Variants in LHFPL3 observed in about 807,000 individuals in gnomAD.
LHFPL3 encodes LHFPL tetraspan subfamily member 3, also known as LHFPL tetraspan subfamily member 3 protein.
LHFPL3 carries 5 observed loss-of-function variants against 19.3 expected under a neutral mutation model. That is an observed-to-expected ratio of 0.26 (90% CI 0.14 to 0.54). The LOEUF is 0.54. LHFPL3 is among the 20% of genes least tolerant of loss of function. The pLI, the probability that LHFPL3 is intolerant of heterozygous loss-of-function variation, is 0.94. For missense variants in LHFPL3, 249 were observed against 307.4 expected (o/e 0.81, Z 1.42); for synonymous variants, 133 against 126.2 (o/e 1.05, Z -0.36).
intron 1 of LHFPL3, among the ~76,000 whole-genome samples, chr7:104,590,442 C>G (rs1274872165): frequency 6.6e-6 from 1 of 152,148 alleles, no homozygotes; most frequent in Non-Finnish European, 1.5e-5. Context: ...TTTCTTAATC[C>G]TGAGTTCTAG....
chr7:104,769,664 G>A (rs1183005293), intron 2 of LHFPL3, among the ~76,000 whole-genome samples: 1 of 146,414 alleles, frequency 6.8e-6, no homozygotes, highest in Non-Finnish European at 1.5e-5. Context: ...CTGTGTCCAT[G>A]TGTTCTCATT....
At chr7:104,794,078 C>G (rs150257980) in intron 2 of LHFPL3, among the ~76,000 whole-genome samples, 5 of 152,104 alleles carry the variant, frequency 3.3e-5, no homozygotes, top group Non-Finnish European at 7.4e-5. Flanking sequence ...CACGTATGAT[C>G]GGCACACTTT....
intron 1 of LHFPL3, among the ~76,000 whole-genome samples, chr7:104,692,806 G>C (rs59738977): frequency 6.6e-6 from 1 of 152,198 alleles, no homozygotes; most frequent in East Asian, 1.9e-4. Context: ...ATTGCAGAAG[G>C]AAAATGTGGG....
chr7:104,642,191 C>CCA (rs1470890314), intron 1 of LHFPL3, among the ~76,000 whole-genome samples: 2 of 151,920 alleles, frequency 1.3e-5, no homozygotes, highest in Non-Finnish European at 2.9e-5. Context: ...GTGTGTGCCA[C>CCA]CACACCCAAC....
chr7:104,623,433 C>A (rs1055472433), intron 1 of LHFPL3, among the ~76,000 whole-genome samples: 1 of 151,466 alleles, frequency 6.6e-6, no homozygotes, highest in Non-Finnish European at 1.5e-5. Flanking sequence ...AGTTCGAGAC[C>A]AGCCTGGCCA....
rs566934425 is a variant in LHFPL3 at position 104,746,879 on chromosome 7, C to T, written c.682+9968C>T. Among the ~76,000 whole-genome samples the T allele has an allele frequency of 3.9e-5, 6 of 152,294 alleles. No homozygotes were observed. The East Asian group carries it at 1.2e-3, about 29-fold the overall frequency. On this transcript the variant is annotated intron_variant, in intron 2 of 2. Transcript: ENST00000424859. The stretch of plus-strand genomic sequence containing the variant: ...AGTGTTTGATTAACGGGGTGCATAG[C>T]CCATGCCCCTCACTACCTTGCCCTG...
At chr7:104,711,844 T>C (rs1793304683) in intron 1 of LHFPL3, among the ~76,000 whole-genome samples, 1 of 152,162 alleles carries the variant, frequency 6.6e-6, no homozygotes, top group Non-Finnish European at 1.5e-5. Context: ...AAAGCTACAA[T>C]TGATCTCATG....
chr7:104,385,709 A>C (rs1790928180), intron 1 of LHFPL3, among the ~76,000 whole-genome samples: 1 of 152,210 alleles, frequency 6.6e-6, no homozygotes, highest in South Asian at 2.1e-4. Context: ...TTTTACTTTA[A>C]GGCTAGAATG....
intron 2 of LHFPL3, among the ~76,000 whole-genome samples, chr7:104,830,458 G>A (rs1409239385): frequency 6.6e-6 from 1 of 151,818 alleles, no homozygotes; most frequent in African/African-American, 2.4e-5. Context: ...GGTTTTTAAT[G>A]GTTTTAGGTC....
chr7:104,861,456 G>A (rs1449595817), intron 2 of LHFPL3, among the ~76,000 whole-genome samples: 1 of 152,182 alleles, frequency 6.6e-6, no homozygotes, highest in South Asian at 2.1e-4. Flanking sequence ...GGTAATTTAG[G>A]ATAGTTGGGA....
chr7:104,807,171 G>T (rs1203736471), intron 2 of LHFPL3, among the ~76,000 whole-genome samples: 1 of 152,042 alleles, frequency 6.6e-6, no homozygotes, highest in African/African-American at 2.4e-5. Context: ...AATATGACTG[G>T]TGTCCTAACA....
chr7:104,807,219 CAG>C (rs1790378791), intron 2 of LHFPL3, among the ~76,000 whole-genome samples: 1 of 152,016 alleles, frequency 6.6e-6, no homozygotes, highest in Non-Finnish European at 1.5e-5. Context: ...CAGACATGCA[CAG>C]AGAGAGCACC....
At chr7:104,872,197 C>T (rs1299180344) in intron 2 of LHFPL3, among the ~76,000 whole-genome samples, 5 of 151,160 alleles carry the variant, frequency 3.3e-5, no homozygotes, top group South Asian at 2.1e-4. Context: ...ATTATCTGGG[C>T]GTGGTGGCAC....
chr7:104,443,113 G>A (rs1465939975), intron 1 of LHFPL3, among the ~76,000 whole-genome samples: 3 of 152,158 alleles, frequency 2.0e-5, no homozygotes, highest in African/African-American at 4.8e-5. Flanking sequence ...GGTTGGGACA[G>A]CTTAAGGAGA....
chr7:104,555,408 C>T (rs1794744462), intron 1 of LHFPL3, among the ~76,000 whole-genome samples: 1 of 152,182 alleles, frequency 6.6e-6, no homozygotes, highest in South Asian at 2.1e-4. Context: ...GCCTCACAAT[C>T]ATGGCAGAAG....
At chr7:104,445,862 A>G (rs922924983) in intron 1 of LHFPL3, among the ~76,000 whole-genome samples, 26 of 152,188 alleles carry the variant, frequency 1.7e-4, no homozygotes, top group African/African-American at 6.0e-4. Context: ...AATAGCAGAG[A>G]AGCAAGGCTA....
intron 1 of LHFPL3, among the ~76,000 whole-genome samples, chr7:104,600,940 C>CTGTG: frequency 6.6e-6 from 1 of 152,192 alleles, no homozygotes; most frequent in Non-Finnish European, 1.5e-5. Context: ...CATCTAAGCT[C>CTGTG]ACTGCAGTCT....
chr7:104,734,326 T>C (rs1204795684), intron 1 of LHFPL3, among the ~76,000 whole-genome samples: 1 of 152,224 alleles, frequency 6.6e-6, no homozygotes, highest in Non-Finnish European at 1.5e-5. Context: ...TCCAACTTGG[T>C]TCCATTCTCC....
chr7:104,517,261 C>T (rs563534799), intron 1 of LHFPL3, among the ~76,000 whole-genome samples: 1 of 152,050 alleles, frequency 6.6e-6, no homozygotes. Context: ...TTTACCTATG[C>T]AACAAACCTG....
Sources: gnomAD v4.1 joint callset for allele counts (sites outside exome capture counted in the v4.1 genomes callset) on GRCh38, gnomAD v4.1.1 for gene constraint, MANE v1.5 for transcripts, NCBI Gene and HGNC (gene_info 2026-07-23, HGNC 2026-07-21) for gene names.